Variants in HERC2 observed in about 807,000 individuals in gnomAD.
HERC2 encodes HECT and RLD domain containing E3 ubiquitin protein ligase 2.
Under a neutral mutation model 537.7 loss-of-function variants are expected in HERC2, and 102 were observed. That is an observed-to-expected ratio of 0.19 (90% CI 0.16 to 0.22). HERC2 has a LOEUF of 0.22. Ranked by LOEUF, HERC2 falls within the 10% of genes least tolerant of loss-of-function variation. HERC2 has a pLI of 1.00. For synonymous variants in HERC2, 2,224 were observed against 2,466.2 expected (o/e 0.90, Z 2.91); for missense variants, 4,236 against 6,198.2 (o/e 0.68, Z 10.63).
Position 28,201,451 on chromosome 15 carries a change from C to T in HERC2, c.7716+5G>A. On this transcript the variant is annotated splice_donor_5th_base_variant and intron_variant, in intron 48 of 92. Coordinates refer to ENST00000261609, the MANE Select transcript of HERC2 (RefSeq NM_004667.6). ...TCGAGGCTCCAGCTTAAGACAATTA[C>T]TCACCTGAATATTCTCTCTCACATA... The T allele has an allele frequency of 1.9e-6, 3 of 1,549,816 alleles. No individual in the cohort carries two copies. Among genetic ancestry groups the T allele is most frequent in the Non-Finnish European group, 2.7e-6 (3 of 1,121,988 alleles).
At chr15:28,147,516 T>C (rs978880651) in intron 70 of HERC2, among the ~76,000 whole-genome samples, 32 of 151,978 alleles carry the variant, frequency 2.1e-4, no homozygotes, top group African/African-American at 7.7e-4. Flanking sequence ...GCACGGCCTA[T>C]AGTCCCAGTT....
rs548818499 is a variant in HERC2 at position 28,210,625 on chromosome 15, C to T, written c.7069+377G>A. 4.6e-5 allele frequency among the ~76,000 whole-genome samples: 7 copies of T among 151,912 alleles called. No homozygotes were observed. In the East Asian group the frequency reaches 9.9e-4, roughly 22 times the overall value. Reference sequence around the variant, plus strand: ...AGCCTGTTCATGGAGTGCGGCTTTACGCGCATTTGAAGAACCAGCTTAGGT... The same window carrying T: ...AGCCTGTTCATGGAGTGCGGCTTTATGCGCATTTGAAGAACCAGCTTAGGT... On this transcript the variant is annotated intron_variant, in intron 44 of 92. Transcript: ENST00000261609.
At position 28,263,248 on chromosome 15, in the gene HERC2, T is replaced by C. The variant is rs1475935648; in HGVS notation, c.1871-79A>G. On this transcript the variant is annotated intron_variant, in intron 14 of 92. Transcript: ENST00000261609. The stretch of plus-strand genomic sequence containing the variant: ...TTTTAAATGACTGCAAATAATATAA[T>C]GAAAAACGCACACTAATCTAGACCA... 1.7e-5 allele frequency: 26 copies of C among 1,488,286 alleles called. No individual in the cohort carries two copies. In the Admixed American group the frequency reaches 4.6e-4, roughly 26 times the overall value. 92.2% of individuals were successfully genotyped at this position (1,488,286 alleles called of 1,614,324 possible).
chr15:28,254,040 T>C (rs914784748), intron 20 of HERC2, among the ~76,000 whole-genome samples: 2 of 151,462 alleles, frequency 1.3e-5, no homozygotes, highest in African/African-American at 2.4e-5. Context: ...TCCCAACACT[T>C]TGGGAGGCCA....
chr15:28,128,415 ACTTCCAACTGGTTTG>A (rs1479688763), intron 83 of HERC2, among the ~76,000 whole-genome samples: 2 of 152,226 alleles, frequency 1.3e-5, no homozygotes, highest in East Asian at 1.9e-4. Flanking sequence ...TAGGTAATGT[ACTTCCAACTGGTTTG>A]CTTCCAACTG....
At chr15:28,318,717 G>C (rs1289946398) in intron 2 of HERC2, among the ~76,000 whole-genome samples, 1 of 152,128 alleles carries the variant, frequency 6.6e-6, no homozygotes, top group African/African-American at 2.4e-5. Flanking sequence ...AGAGGTTGCT[G>C]GATGTAGGGC....
At chr15:28,153,931 G>C (rs1294443118) in intron 69 of HERC2, among the ~76,000 whole-genome samples, 1 of 152,114 alleles carries the variant, frequency 6.6e-6, no homozygotes, top group Admixed American at 6.5e-5. Context: ...GAGACAGGGA[G>C]AGTCTGTGAC....
Position 28,115,512 on chromosome 15 carries a change from C to T in HERC2, c.13639G>A (p.Gly4547Arg). 1.9e-6 allele frequency: 3 copies of T among 1,613,952 alleles called. No homozygotes were observed. The highest frequency in any genetic ancestry group is 2.5e-6 in the Non-Finnish European group (3 of 1,179,966). The change falls in exon 89 of 93, where the codon GGG (glycine) becomes AGG (arginine). Residue 4547 changes from glycine to arginine, a missense_variant. Coordinates refer to ENST00000261609, the MANE Select transcript of HERC2 (RefSeq NM_004667.6). ...GCAAGGTTGAGGCTCAGGGGACTCC[C>T]GGTTCGGATGGCAATGCCCAGCAAC... ...GVLLGIAIRT[G>R]SPLSLNLAEP...
rs534865714 is a variant in HERC2 at position 28,256,286 on chromosome 15, G to A, written c.2549C>T (p.Pro850Leu). ...GCCCAGACCTAAACCAAGGAATTCC[G>A]GGTCAACCTGGTGACTAATGGCAGC... is the stretch of plus-strand genomic sequence containing the variant. ...LHAAISHQVD[P>L]EFLGLGLGSI... Residue 850 changes from proline to leucine, a missense_variant, in exon 18 of 93, where the codon CCG (proline) becomes CTG (leucine). Physicochemically the swap from Pro to Leu is moderately conservative, Grantham distance 98. Coordinates refer to ENST00000261609, the MANE Select transcript of HERC2 (RefSeq NM_004667.6). 119 of 1,596,210 alleles carry A rather than the reference G, an allele frequency of 7.5e-5. No homozygotes were observed. Among genetic ancestry groups the A allele is most frequent in the South Asian group, 2.0e-4 (18 of 90,628 alleles).
Position 28,274,437 on chromosome 15 carries a change from C to G in HERC2, c.654G>C (p.Ala218=). Residue 218 remains alanine, a synonymous_variant, in exon 7 of 93, where the codon GCG becomes GCC. Transcript: ENST00000261609. ...LRRAWRSGED[A]DLCSELLQES... ...CCTGCAACAGCTCACTGCAGAGGTCCGCATCCTCGCCTGGGCGCACACACG... is the reference window on the plus strand; with the variant it reads ...CCTGCAACAGCTCACTGCAGAGGTCGGCATCCTCGCCTGGGCGCACACACG... 6.2e-7 allele frequency: 1 copy of G among 1,610,870 alleles called. No homozygotes were observed. The highest frequency in any genetic ancestry group is 8.5e-7 in the Non-Finnish European group (1 of 1,178,692).
At position 28,176,965 on chromosome 15, in the gene HERC2, C is replaced by T. The variant is rs1275450729; in HGVS notation, c.9417G>A (p.Gln3139=). ...GTATAATCACCATTTTGGGCTTTAG[C>T]TGTGTCGTATTATCCCCATGTCCCA... is the stretch of plus-strand genomic sequence containing the variant. The part of the protein sequence containing the change: ...GRLGHGDNTT[Q]LKPKMVKVLL... The change falls in exon 61 of 93, where the codon CAG becomes CAA. Residue 3139 remains glutamine, a synonymous_variant. Transcript: ENST00000261609. This position sits in a 1 kb window ranked among gnomAD's most constrained non-coding sequence, Gnocchi z 5.0. The T allele has an allele frequency of 3.1e-6, 5 of 1,612,650 alleles. No individual in the cohort carries two copies. The Admixed American group carries it at 5.0e-5, about 16-fold the overall frequency.
chr15:28,278,256 G>A (rs1217174156), intron 5 of HERC2, among the ~76,000 whole-genome samples: 2 of 152,036 alleles, frequency 1.3e-5, no homozygotes, highest in Admixed American at 6.6e-5. Flanking sequence ...TGTGGCACAC[G>A]CCTGCAGTCC....
chr15:28,265,604 A>C lies in HERC2; in HGVS notation c.1870+14T>G, dbSNP rs536029210. ...CCTCGTGGGCCTGTCCAGGGTGGCG[A>C]GAGCTCTACGTACCGTTCTCAGTGA... On this transcript the variant is annotated intron_variant, in intron 14 of 92. Transcript: ENST00000261609. The surrounding 1 kb of genome is among the most constrained non-coding windows in gnomAD (Gnocchi z 4.0). 158 of 1,608,768 alleles carry C rather than the reference A, an allele frequency of 9.8e-5. No homozygotes were observed. Among genetic ancestry groups the C allele is most frequent in the Non-Finnish European group, 1.3e-4 (148 of 1,175,916 alleles).
intron 42 of HERC2, chr15:28,213,003 G>T (rs1899433546): frequency 6.6e-6 from 1 of 150,654 alleles, no homozygotes; most frequent in Non-Finnish European, 1.5e-5. Context: ...CCTGAGGTCA[G>T]GAGTTTGAGA....
intron 75 of HERC2, among the ~76,000 whole-genome samples, chr15:28,142,617 G>C (rs1178126249): frequency 1.3e-5 from 2 of 152,140 alleles, no homozygotes; most frequent in Admixed American, 6.5e-5. Context: ...AAGAACACCT[G>C]TGCATCTCAA....
chr15:28,130,424 C>A lies in HERC2; in HGVS notation c.12662+79G>T. The A allele has an allele frequency of 6.3e-7, 1 of 1,580,428 alleles. No individual in the cohort carries two copies. Among genetic ancestry groups the A allele is most frequent in the Non-Finnish European group, 8.7e-7 (1 of 1,149,670 alleles). ...CATAGCCTGCTGCAGAAGCTACATTCCCATCCATGAAAAGGTGGTGCACAT... is the reference window on the plus strand; with the variant it reads ...CATAGCCTGCTGCAGAAGCTACATTACCATCCATGAAAAGGTGGTGCACAT... On this transcript the variant is annotated intron_variant, in intron 82 of 92. Coordinates refer to ENST00000261609, the MANE Select transcript of HERC2 (RefSeq NM_004667.6).
At chr15:28,254,704 G>T (rs1260831297) in intron 19 of HERC2, among the ~76,000 whole-genome samples, 186 bp from the exon 20 acceptor site, 1 of 152,166 alleles carries the variant, frequency 6.6e-6, no homozygotes, top group Non-Finnish European at 1.5e-5. Flanking sequence ...TTCAAACAGT[G>T]TCTTCTTTTT....
rs774736646 is a variant in HERC2, at chr15:28,202,117, G to A, written c.7613C>T (p.Ser2538Phe). ...VVEDVDDAAYSMSTGAVVTES... is the reference protein window; with the variant it reads ...VVEDVDDAAYFMSTGAVVTES... ...GGTCACATGGGAGGCACTGACCATG[G>A]AGTAGGCGGCATCATCCACGTCCTC... Residue 2538 changes from serine (S) to phenylalanine (F), a missense_variant, in exon 47 of 93, where the codon TCC (serine) becomes TTC (phenylalanine). Ser to Phe is a radical substitution (Grantham distance 155). This residue lies in a region of HERC2 where 606 missense variants were observed against 884.5 expected (regional missense o/e 0.69). Transcript: ENST00000261609. 4 of 1,531,090 alleles carry A rather than the reference G, an allele frequency of 2.6e-6. No individual in the cohort carries two copies. In the South Asian group the frequency reaches 4.5e-5, roughly 17 times the overall value. 94.8% of individuals were successfully genotyped at this position (1,531,090 alleles called of 1,614,324 possible). A position where few individuals can be genotyped will look rare whatever the true frequency, so the allele number is the denominator to read the frequency against.
intron 44 of HERC2, among the ~76,000 whole-genome samples, chr15:28,207,939 G>A (rs545370251): frequency 6.6e-6 from 1 of 152,174 alleles, no homozygotes; most frequent in African/African-American, 2.4e-5. Context: ...CAGGTGCACG[G>A]CAGTTTTGTC....
Sources: allele counts gnomAD v4.1 joint callset (sites outside exome capture counted in the v4.1 genomes callset), GRCh38; gene constraint gnomAD v4.1.1; regional missense constraint gnomAD v4.1.1; non-coding constraint Gnocchi (gnomAD v3.1); transcripts MANE v1.5; gene names NCBI Gene and HGNC (gene_info 2026-07-23, HGNC 2026-07-21).